The following NETO1 variants were observed in gnomAD, a reference collection of about 807,000 sequenced individuals.
NETO1 encodes the protein neuropilin and tolloid like 1.
A neutral mutation model predicts 61.3 loss-of-function variants in NETO1; 26 were observed. That is an observed-to-expected ratio of 0.42 (90% confidence interval 0.31 to 0.59). The LOEUF is 0.59. Among genes scored for constraint, NETO1 ranks in the 20% least tolerant of loss-of-function variants. The probability of loss-of-function intolerance (pLI) is 0.12; values close to 1 mark genes in which losing one functional copy is unlikely to be tolerated. For missense variants in NETO1, 531 were observed against 662.8 expected (o/e 0.80, Z 2.18); for synonymous variants, 225 against 225.8 (o/e 1.00, Z 0.03).
intron 6 of NETO1, among the ~76,000 whole-genome samples, chr18:72,786,303 AG>A (rs1265801695): frequency 6.6e-6 from 1 of 152,240 alleles, no homozygotes; most frequent in African/African-American, 2.4e-5. Flanking sequence ...GAAATGTTGC[AG>A]ACTTGTAAGA....
chr18:72,786,114 G>A (rs1206609670), intron 6 of NETO1, among the ~76,000 whole-genome samples: 1 of 152,020 alleles, frequency 6.6e-6, no homozygotes, highest in Non-Finnish European at 1.5e-5. Flanking sequence ...TTTCTTTATT[G>A]AATTCCTTTG....
intron 7 of NETO1, among the ~76,000 whole-genome samples, chr18:72,761,286 G>C (rs1423879016): frequency 6.6e-6 from 1 of 152,144 alleles, no homozygotes; most frequent in Non-Finnish European, 1.5e-5. Context: ...AGTTATCTTT[G>C]TACCTTGGAG....
intron 7 of NETO1, among the ~76,000 whole-genome samples, chr18:72,764,817 C>A (rs1389376668): frequency 6.6e-6 from 1 of 152,142 alleles, no homozygotes; most frequent in Non-Finnish European, 1.5e-5. Flanking sequence ...CACAACCATC[C>A]CCTCAGGTGT....
chr18:72,859,129 T>C (rs2074493368), intron 3 of NETO1, 55 bp from the exon 4 acceptor site: 1 of 1,489,838 alleles, frequency 6.7e-7, no homozygotes. Context: ...TTCAGGTTGA[T>C]GTTTTCTGAT....
At chr18:72,846,241 A>G (rs2074078902) in intron 4 of NETO1, among the ~76,000 whole-genome samples, 1 of 151,752 alleles carries the variant, frequency 6.6e-6, no homozygotes, top group African/African-American at 2.4e-5. Context: ...GCTGTGGCTC[A>G]CACCTGGAAT....
chr18:72,803,251 C>T (rs1023574808), intron 4 of NETO1, among the ~76,000 whole-genome samples: 5 of 152,156 alleles, frequency 3.3e-5, no homozygotes, highest in African/African-American at 1.2e-4. Flanking sequence ...TTGATGGGAA[C>T]AAATGTGATT....
chr18:72,778,659 A>T (rs2145209552), intron 7 of NETO1, among the ~76,000 whole-genome samples: 1 of 152,290 alleles, frequency 6.6e-6, no homozygotes, highest in Non-Finnish European at 1.5e-5. Context: ...CCCATTTGAA[A>T]GCTCATCAAA....
intron 4 of NETO1, among the ~76,000 whole-genome samples, chr18:72,806,394 T>C (rs1233769043): frequency 1.3e-5 from 2 of 152,166 alleles, no homozygotes; most frequent in African/African-American, 4.8e-5. Context: ...CATTACTGCC[T>C]ATCTACCAAC....
chr18:72,750,178 G>A lies in NETO1; in HGVS notation c.1425C>T (p.Ile475=). Residue 475 remains isoleucine, a synonymous_variant, in exon 9 of 11, where the codon ATC becomes ATT. Coordinates refer to ENST00000327305, the MANE Select transcript of NETO1 (RefSeq NM_138966.5). ...PLIPPMNRRN[I]LVMKHSYSQD... is the part of the protein sequence containing the mutation. ...GCGAGTAGCTGTGTTTCATGACAAG[G>A]ATATTTCTTCTGTTCATGGGTGGGA... 1.2e-6 allele frequency: 2 copies of A among 1,614,028 alleles called. No individual in the cohort carries two copies. Among genetic ancestry groups the A allele is most frequent in the Non-Finnish European group, 1.7e-6 (2 of 1,179,952 alleles).
rs1421211792 is a variant in NETO1 at position 72,867,781 on chromosome 18, G to C, written c.-490C>G. 1 of 158,226 alleles carries C rather than the reference G, an allele frequency of 6.3e-6. No individual in the cohort carries two copies. Among genetic ancestry groups the C allele is most frequent in the Non-Finnish European group, 1.3e-5 (1 of 74,230 alleles). 9.8% of individuals were successfully genotyped at this position (158,226 alleles called of 1,614,324 possible). Reference sequence around the variant, plus strand: ...ACCGACGGCAGCGACGGAGCGGGCGGCGGCGGCGGCGCCGGCGGCGGCGGG... The same window carrying C: ...ACCGACGGCAGCGACGGAGCGGGCGCCGGCGGCGGCGCCGGCGGCGGCGGG... On this transcript the variant is annotated 5_prime_UTR_variant, in exon 1 of 11. Transcript: ENST00000327305.
At position 72,746,643 on chromosome 18, in the gene NETO1, C is replaced by A. The variant is rs1173800668; in HGVS notation, c.*1536G>T. Reference sequence around the variant, plus strand: ...GTAGGGAAGTATAACAGTAATTCATCTAGTTTGCAAAGCCTGCTTGAATTG... The same window carrying A: ...GTAGGGAAGTATAACAGTAATTCATATAGTTTGCAAAGCCTGCTTGAATTG... On this transcript the variant is annotated 3_prime_UTR_variant, in exon 11 of 11. Coordinates refer to ENST00000327305, the MANE Select transcript of NETO1 (RefSeq NM_138966.5). Among the ~76,000 whole-genome samples, 1 of 151,708 alleles carries A rather than the reference C, an allele frequency of 6.6e-6. No homozygotes were observed. The highest frequency in any genetic ancestry group is 6.6e-5 in the Admixed American group (1 of 15,198).
At chr18:72,826,392 T>G (rs2073374564) in intron 4 of NETO1, among the ~76,000 whole-genome samples, 1 of 152,152 alleles carries the variant, frequency 6.6e-6, no homozygotes, top group South Asian at 2.1e-4. Context: ...ATTTCAAATG[T>G]TTCTTATTAG....
chr18:72,794,487 C>A, intron 4 of NETO1, 83 bp from the exon 5 acceptor site: 1 of 1,340,320 alleles, frequency 7.5e-7, no homozygotes, highest in Non-Finnish European at 1.0e-6. Flanking sequence ...ATTAAGTTTT[C>A]CAGAAATCTA....
intron 8 of NETO1, among the ~76,000 whole-genome samples, chr18:72,755,082 T>C (rs1395189106): frequency 6.6e-6 from 1 of 152,208 alleles, no homozygotes; most frequent in Admixed American, 6.5e-5. Flanking sequence ...CATTCACATT[T>C]GTTGCATGTC....
intron 4 of NETO1, among the ~76,000 whole-genome samples, chr18:72,837,303 T>G (rs1353317516): frequency 6.6e-6 from 1 of 152,194 alleles, no homozygotes; most frequent in Non-Finnish European, 1.5e-5. Flanking sequence ...CTCTGAATTC[T>G]GAATTGAATT....
intron 8 of NETO1, among the ~76,000 whole-genome samples, chr18:72,755,173 G>A (rs892174315): frequency 1.3e-4 from 20 of 152,158 alleles, no homozygotes; most frequent in African/African-American, 4.6e-4. Flanking sequence ...TAACAGGTCT[G>A]CAATAAGATC....
intron 6 of NETO1, among the ~76,000 whole-genome samples, chr18:72,786,527 T>G (rs2071924207): frequency 6.6e-6 from 1 of 152,170 alleles, no homozygotes; most frequent in Non-Finnish European, 1.5e-5. Flanking sequence ...CCAAATACTT[T>G]GATGCTGATT....
At chr18:72,837,939 TCCGTCC>T (rs2073806290) in intron 4 of NETO1, among the ~76,000 whole-genome samples, 4 of 151,872 alleles carry the variant, frequency 2.6e-5, no homozygotes, top group Middle Eastern at 3.4e-3. Context: ...CAAAACATTC[TCCGTCC>T]CCATCACCAT....
At position 72,744,729 on chromosome 18, in the gene NETO1, A is replaced by T. The variant is rs963509774; in HGVS notation, c.*3450T>A. 2 of 152,200 alleles carry T rather than the reference A, an allele frequency of 1.3e-5. No individual in the cohort carries two copies. The highest frequency in any genetic ancestry group is 2.4e-5 in the African/African-American group (1 of 41,452). 9.4% of individuals were successfully genotyped at this position (152,200 alleles called of 1,614,324 possible). ...CTGACATGACTCATTTTCATCAGAG[A>T]TACACAAACTTCATAAGATGCTATT... On this transcript the variant is annotated 3_prime_UTR_variant, in exon 11 of 11. Transcript: ENST00000327305.
Sources: gnomAD v4.1 joint callset for allele counts (sites outside exome capture counted in the v4.1 genomes callset) on GRCh38, gnomAD v4.1.1 for gene constraint, MANE v1.5 for transcripts, NCBI Gene and HGNC (gene_info 2026-07-23, HGNC 2026-07-21) for gene names.